The following PTPRS variants were observed in gnomAD, a reference collection of about 807,000 sequenced individuals.
PTPRS encodes the protein receptor-type tyrosine-protein phosphatase S.
Under a neutral mutation model 215.3 loss-of-function variants are expected in PTPRS, and 63 were observed. The ratio of observed to expected loss-of-function variants is 0.29; its 90% CI spans 0.24 to 0.36. The LOEUF (loss-of-function observed/expected upper bound fraction) is 0.36. Ranked by LOEUF, PTPRS falls within the 10% of genes least tolerant of loss-of-function variation. The pLI is 1.00. For synonymous variants in PTPRS, 1,404 were observed against 1,191.4 expected (o/e 1.18, Z -3.68); for missense variants, 2,258 against 2,825.8 (o/e 0.80, Z 4.56).
rs555900924 is a variant in PTPRS, at chr19:5,257,834, C to T, written c.706+183G>A. 6.6e-6 allele frequency among the ~76,000 whole-genome samples: 1 copy of T among 152,344 alleles called. No homozygotes were observed. The highest frequency in any genetic ancestry group is 2.1e-4 in the South Asian group (1 of 4,826). On this transcript the variant is annotated intron_variant, in intron 8 of 37. Transcript: ENST00000262963. This position sits in a 1 kb window ranked among gnomAD's most constrained non-coding sequence, Gnocchi z 4.4. ...GGGAATTTAAGCTGCCCCCATTCTACAGGCAAGGAAACTAAGGCCCAGAGA... is the reference window on the plus strand; with the variant it reads ...GGGAATTTAAGCTGCCCCCATTCTATAGGCAAGGAAACTAAGGCCCAGAGA...
rs1161857508 is a variant in PTPRS at position 5,265,132 on chromosome 19, C to A, written c.444G>T (p.Arg148=). 1 of 1,614,178 alleles carries A rather than the reference C, an allele frequency of 6.2e-7. No homozygotes were observed. The part of the protein sequence containing the change: ...DMGPQLKVVE[R]TRTATMLCAA... ...CACAGAGCATGGTGGCTGTCCGTGT[C>A]CGCTCCACCACCTTCAACTGTGGGC... The change falls in exon 5 of 38, where the codon CGG becomes CGT. Residue 148 remains arginine, a synonymous_variant. Coordinates refer to ENST00000262963, the MANE Select transcript of PTPRS (RefSeq NM_002850.4).
At chr19:5,220,448 C>T (rs2041880909) in intron 20 of PTPRS, 95 bp from the exon 21 acceptor site, 1 of 1,039,960 alleles carries the variant, frequency 9.6e-7, no homozygotes, top group Non-Finnish European at 1.4e-6. Context: ...TTCTCTGAGT[C>T]TTCCCTTCTG....
At chr19:5,301,799 T>G (rs984901569) in intron 1 of PTPRS, among the ~76,000 whole-genome samples, 6 of 151,618 alleles carry the variant, frequency 4.0e-5, no homozygotes, top group African/African-American at 1.5e-4. Context: ...GATTGGATGA[T>G]GGATGGAGTC....
At chr19:5,232,536 G>C (rs187552028) in intron 13 of PTPRS, among the ~76,000 whole-genome samples, 187 of 151,080 alleles carry the variant, frequency 1.2e-3, no homozygotes, top group African/African-American at 4.5e-3. Flanking sequence ...CAGGTACCGT[G>C]CCAAGGGGAA....
chr19:5,325,270 G>T (rs2050138254), intron 1 of PTPRS, among the ~76,000 whole-genome samples: 1 of 152,240 alleles, frequency 6.6e-6, no homozygotes. Context: ...TACGCCATGG[G>T]TCAGCATTGA....
chr19:5,239,048 C>A lies in PTPRS; in HGVS notation c.1720G>T (p.Asp574Tyr), dbSNP rs768636218. Residue 574 changes from aspartate (D) to tyrosine (Y), a missense_variant, in exon 13 of 38, where the codon GAC (aspartate) becomes TAC (tyrosine). Asp to Tyr is a radical substitution (Grantham distance 160). Around this residue, in one of 6 missense-constraint regions of PTPRS, gnomAD observed 371 missense variants for 446.7 expected, o/e 0.83. Transcript: ENST00000262963. ...DHGREVGRTF[D>Y]PTTSYVVEDL... is the part of the protein sequence containing the mutation. ...TCCACCACGTAGGAAGTCGTCGGGT[C>A]GAAGGTCCTTCCCACCTGGGGGCAG... 1.2e-6 allele frequency: 2 copies of A among 1,612,592 alleles called. No homozygotes were observed. The highest frequency in any genetic ancestry group is 8.5e-7 in the Non-Finnish European group (1 of 1,179,600).
At chr19:5,297,133 C>T (rs1364332920) in intron 1 of PTPRS, among the ~76,000 whole-genome samples, 1 of 152,104 alleles carries the variant, frequency 6.6e-6, no homozygotes, top group African/African-American at 2.4e-5. Flanking sequence ...ACCCCTGGAC[C>T]CCTCCAAAAA....
intron 20 of PTPRS, among the ~76,000 whole-genome samples, chr19:5,220,790 G>A (rs1191758112): frequency 6.6e-6 from 1 of 152,158 alleles, no homozygotes; most frequent in African/African-American, 2.4e-5. Context: ...TGGGGTATCA[G>A]GAAATGCTAG....
intron 1 of PTPRS, among the ~76,000 whole-genome samples, chr19:5,323,684 G>A (rs2050092968): frequency 6.6e-6 from 1 of 152,230 alleles, no homozygotes; most frequent in Non-Finnish European, 1.5e-5. Flanking sequence ...GGGACGGCAG[G>A]GAAGGGATGG....
intron 18 of PTPRS, 144 bp downstream of exon 18, chr19:5,222,545 G>A: frequency 1.0e-6 from 1 of 976,110 alleles, no homozygotes; most frequent in Non-Finnish European, 1.5e-6. Context: ...CAACGCCGGA[G>A]CCTCGGGGTC....
intron 1 of PTPRS, among the ~76,000 whole-genome samples, chr19:5,314,295 G>C (rs2147173219): frequency 6.6e-6 from 1 of 152,194 alleles, no homozygotes; most frequent in East Asian, 1.9e-4. Flanking sequence ...GTCATGCTGA[G>C]CAGCACGAAC....
chr19:5,277,882 A>G, intron 2 of PTPRS: 1 of 1,084,142 alleles, frequency 9.2e-7, no homozygotes. Context: ...CAGAACGTTC[A>G]AGGGCCAGAT....
chr19:5,247,777 T>C (rs2146031020), intron 9 of PTPRS, among the ~76,000 whole-genome samples: 1 of 151,966 alleles, frequency 6.6e-6, no homozygotes, highest in East Asian at 1.9e-4. Context: ...CCAGCCTCGG[T>C]TCCTAGCTGG....
At chr19:5,233,211 T>C (rs991918291) in intron 13 of PTPRS, among the ~76,000 whole-genome samples, 2 of 151,122 alleles carry the variant, frequency 1.3e-5, no homozygotes, top group African/African-American at 4.9e-5. Context: ...CCAGGCACCG[T>C]GGCAAGGGGA....
intron 1 of PTPRS, among the ~76,000 whole-genome samples, chr19:5,301,444 T>C (rs577304409): frequency 6.6e-6 from 1 of 151,862 alleles, no homozygotes; most frequent in East Asian, 1.9e-4. Flanking sequence ...GCCTCCCGAT[T>C]AGCTGGGATT....
At position 5,293,327 on chromosome 19, in the gene PTPRS, GCGGGGCTGCAGGGGA is replaced by G. The variant is rs1168934692; in HGVS notation, c.-94-7108_-94-7094del. 3 of 151,168 alleles carry G rather than the reference GCGGGGCTGCAGGGGA, an allele frequency of 2.0e-5. No homozygotes were observed. The highest frequency in any genetic ancestry group is 1.3e-4 in the Admixed American group (2 of 15,260). The allele number at this position is 151,168 out of a possible 1,614,324, so 9.4% of individuals were successfully genotyped here. On this transcript the variant is annotated intron_variant, in intron 1 of 37. Transcript: ENST00000262963. The surrounding 1 kb of genome is among the most constrained non-coding windows in gnomAD (Gnocchi z 8.4). ...GCTGTAGGGGGCGGGGTTGCAGTGGGCGGGGCTGCAGGGGACGGGCCCCGAGGAGGGGGATTGGGG... is the reference window on the plus strand; with the variant it reads ...GCTGTAGGGGGCGGGGTTGCAGTGGGCGGGCCCCGAGGAGGGGGATTGGGG...
intron 8 of PTPRS, among the ~76,000 whole-genome samples, chr19:5,256,757 C>T (rs532311445): frequency 6.6e-6 from 1 of 152,112 alleles, no homozygotes; most frequent in Non-Finnish European, 1.5e-5. Context: ...ATCCCCTCCC[C>T]CTCCATGCGA....
At chr19:5,246,891 G>C (rs542427508) in intron 9 of PTPRS, among the ~76,000 whole-genome samples, 1 of 152,058 alleles carries the variant, frequency 6.6e-6, no homozygotes, top group South Asian at 2.1e-4. Context: ...GATTGAGAGA[G>C]AGAGAGAGAG....
chr19:5,308,179 C>G (rs2049564208), intron 1 of PTPRS, among the ~76,000 whole-genome samples: 3 of 152,316 alleles, frequency 2.0e-5, no homozygotes, highest in African/African-American at 7.2e-5. Flanking sequence ...ACAGAGATGC[C>G]GATTTCTTCT....
Sources: allele counts gnomAD v4.1 joint callset (sites outside exome capture counted in the v4.1 genomes callset), GRCh38; gene constraint gnomAD v4.1.1; regional missense constraint gnomAD v4.1.1; non-coding constraint Gnocchi (gnomAD v3.1); transcripts MANE v1.5; gene names NCBI Gene and HGNC (gene_info 2026-07-23, HGNC 2026-07-21).